ITGAM: variants seen among roughly 807,000 people sequenced by gnomAD.
ITGAM encodes integrin alpha-M.
Under a neutral mutation model 137.5 loss-of-function variants are expected in ITGAM, and 79 were observed. The ratio of observed to expected loss-of-function variants is 0.57; its 90% CI spans 0.48 to 0.69. The LOEUF is 0.69. ITGAM is among the 30% of genes least tolerant of loss of function. The pLI is 0.00. For missense variants in ITGAM, 1,343 were observed against 1,483.5 expected (o/e 0.91, Z 1.56); for synonymous variants, 583 against 592.3 (o/e 0.98, Z 0.23).
chr16:31,272,423 C>CCATATATATATATATATA (rs1491104518), intron 7 of ITGAM, among the ~76,000 whole-genome samples: 1 of 31,534 alleles, frequency 3.2e-5, no homozygotes, highest in East Asian at 2.5e-3. Context: ...GGCCAATTAA[C>CCATATATATATATATATA]TATATATATA....
intron 12 of ITGAM, among the ~76,000 whole-genome samples, chr16:31,283,045 C>A (rs2079987228): frequency 6.6e-6 from 1 of 152,152 alleles, no homozygotes; most frequent in Non-Finnish European, 1.5e-5. Flanking sequence ...TGAATATTGG[C>A]CCCCACTCTC....
At chr16:31,306,661 G>A (rs978618743) in intron 14 of ITGAM, among the ~76,000 whole-genome samples, 6 of 151,962 alleles carry the variant, frequency 3.9e-5, no homozygotes, top group Non-Finnish European at 5.9e-5. Context: ...ACAGGAGTGC[G>A]CCACCATGCC....
At chr16:31,288,203 G>C (rs2080049495) in intron 12 of ITGAM, among the ~76,000 whole-genome samples, 1 of 152,024 alleles carries the variant, frequency 6.6e-6, no homozygotes, top group South Asian at 2.1e-4. Context: ...TGGGAGGAGT[G>C]GTGGGAGAAA....
At chr16:31,314,837 T>G (rs2080373778) in intron 14 of ITGAM, among the ~76,000 whole-genome samples, 1 of 150,782 alleles carries the variant, frequency 6.6e-6, no homozygotes, top group East Asian at 1.9e-4. Flanking sequence ...TTTTTTTTTT[T>G]TTTGAGATGG....
chr16:31,284,093 C>G (rs536519662), intron 12 of ITGAM, among the ~76,000 whole-genome samples: 1 of 152,122 alleles, frequency 6.6e-6, no homozygotes, highest in Non-Finnish European at 1.5e-5. Flanking sequence ...CTGGAAGCTT[C>G]GTTGCAGAGG....
At chr16:31,328,314 ATGTG>A (rs377321047) in intron 23 of ITGAM, 84 bp downstream of exon 23, 7 of 1,018,362 alleles carry the variant, frequency 6.9e-6, no homozygotes, top group South Asian at 2.6e-5. Context: ...GAGTCTGTGC[ATGTG>A]TGTGTGTGTG....
chr16:31,264,411 C>T (rs1366195530), intron 2 of ITGAM, among the ~76,000 whole-genome samples: 1 of 151,946 alleles, frequency 6.6e-6, no homozygotes, highest in Non-Finnish European at 1.5e-5. Flanking sequence ...GATTGCACCA[C>T]TATACTCCAG....
At chr16:31,261,643 C>G in intron 1 of ITGAM, 49 bp from the exon 2 acceptor site, 1 of 1,254,752 alleles carries the variant, frequency 8.0e-7, no homozygotes, top group East Asian at 2.5e-5. Flanking sequence ...CAGCCCCTAA[C>G]TGGCATGCTA....
At chr16:31,330,471 C>A (rs756206462) in intron 27 of ITGAM, 33 bp from the exon 28 acceptor site, 3 of 1,610,122 alleles carry the variant, frequency 1.9e-6, no homozygotes, top group Non-Finnish European at 2.5e-6. Flanking sequence ...TGCTCAGGGC[C>A]CAGGTGCAGT....
intron 5 of ITGAM, 92 bp downstream of exon 5, chr16:31,266,239 T>A: frequency 1.2e-6 from 1 of 863,132 alleles, no homozygotes. Flanking sequence ...GTCTGGGCTC[T>A]GGGTGCAGAA....
rs184017896 is a variant in ITGAM, at chr16:31,314,207, T to C, written c.1708-7034T>C. ...CTGTTCACTCTGATGATAGTTTCTT[T>C]TGCTGTGCAGAAGCTCTTTAGTTTA... On this transcript the variant is annotated intron_variant, in intron 14 of 29. Transcript: ENST00000544665. Among the ~76,000 whole-genome samples the C allele has an allele frequency of 5.0e-3, 765 of 152,342 alleles. 8 individuals are homozygous for C. Among genetic ancestry groups the C allele is most frequent in the African/African-American group, 0.017 (726 of 41,570 alleles).
At chr16:31,314,404 A>G (rs1424838390) in intron 14 of ITGAM, among the ~76,000 whole-genome samples, 5 of 152,142 alleles carry the variant, frequency 3.3e-5, no homozygotes, top group African/African-American at 4.8e-5. Flanking sequence ...GTTAATTTTT[A>G]TATAAGGTGT....
intron 12 of ITGAM, among the ~76,000 whole-genome samples, chr16:31,289,005 T>C (rs1459846757): frequency 1.3e-5 from 2 of 152,074 alleles, no homozygotes; most frequent in Non-Finnish European, 2.9e-5. Context: ...CATGAAAAAA[T>C]GCTCATCATC....
chr16:31,290,426 G>C (rs1159508394), intron 12 of ITGAM, among the ~76,000 whole-genome samples: 1 of 152,064 alleles, frequency 6.6e-6, no homozygotes, highest in Non-Finnish European at 1.5e-5. Flanking sequence ...AATTATAAAA[G>C]CTACTTTGAA....
Position 31,325,305 on chromosome 16 carries a change from G to C in ITGAM, c.2406G>C (p.Val802=). 1 of 1,613,906 alleles carries C rather than the reference G, an allele frequency of 6.2e-7. No homozygotes were observed. Among genetic ancestry groups the C allele is most frequent in the Non-Finnish European group, 8.5e-7 (1 of 1,179,822 alleles). The stretch of plus-strand genomic sequence containing the variant: ...TGGGTGGGCCCCGGGAGTTCAACGT[G>C]ACAGTGACTGTGAGAAATGATGGTG... ...LVVGGPREFN[V]TVTVRNDGED... The change falls in exon 20 of 30, where the codon GTG becomes GTC. Residue 802 remains valine, a synonymous_variant. Coordinates refer to ENST00000544665, the MANE Select transcript of ITGAM (RefSeq NM_000632.4).
At chr16:31,265,907 A>G (rs1567245838) in intron 4 of ITGAM, 26 bp downstream of exon 4, 1 of 1,611,586 alleles carries the variant, frequency 6.2e-7, no homozygotes, top group East Asian at 2.2e-5. Flanking sequence ...TCAGAGGAGC[A>G]TCCTAATGGG....
Position 31,297,565 on chromosome 16 carries a change from G to C in ITGAM, c.1408G>C (p.Gly470Arg), listed in dbSNP as rs757921643. The change falls in exon 13 of 30, where the codon GGC (glycine) becomes CGC (arginine). Residue 470 changes from glycine to arginine, a missense_variant. Transcript: ENST00000544665. ...SLCSVDVDSN[G>R]STDLVLIGAP... The stretch of plus-strand genomic sequence containing the variant: ...CTGCTCCGTGGACGTGGACAGCAAC[G>C]GCAGCACCGACCTGGTCCTCATCGG... 2.5e-6 allele frequency: 4 copies of C among 1,612,192 alleles called. No individual in the cohort carries two copies. The highest frequency in any genetic ancestry group is 1.7e-5 in the Admixed American group (1 of 60,010).
chr16:31,329,143 T>G, intron 23 of ITGAM, 85 bp from the exon 24 acceptor site: 2 of 798,482 alleles, frequency 2.5e-6, no homozygotes. Flanking sequence ...ATGTGCCTGT[T>G]CGCTCCTTAC....
intron 22 of ITGAM, 142 bp downstream of exon 22, chr16:31,327,077 C>T: frequency 1.4e-6 from 1 of 739,054 alleles, no homozygotes. Context: ...GACCACCCAC[C>T]ACGTGCTGGG....
Sources: gnomAD v4.1 joint callset for allele counts (sites outside exome capture counted in the v4.1 genomes callset) on GRCh38, gnomAD v4.1.1 for gene constraint, MANE v1.5 for transcripts, NCBI Gene and HGNC (gene_info 2026-07-23, HGNC 2026-07-21) for gene names.